Variants in ERC2 observed in about 807,000 individuals in gnomAD.
ERC2 encodes the protein ELKS/RAB6-interacting/CAST family member 2.
Under a neutral mutation model 114.8 loss-of-function variants are expected in ERC2, and 42 were observed. The observed-to-expected ratio is 0.37, with a 90% CI of 0.29 to 0.47. The LOEUF (loss-of-function observed/expected upper bound fraction) is 0.47. Ranked by LOEUF, ERC2 falls within the 20% of genes least tolerant of loss-of-function variation. The probability of loss-of-function intolerance (pLI) is 0.99; values close to 1 mark genes in which losing one functional copy is unlikely to be tolerated. For missense variants in ERC2, 939 were observed against 1,150.7 expected, an observed-to-expected ratio of 0.82 and a Z score of 2.66; for synonymous variants, 454 against 425.5, an observed-to-expected ratio of 1.07 and a Z score of -0.82.
chr3:56,143,341 G>T (rs1051608525), intron 5 of ERC2, among the ~76,000 whole-genome samples: 3 of 152,242 alleles, frequency 2.0e-5, no homozygotes, highest in East Asian at 1.9e-4. Context: ...GATATGGTTT[G>T]GTTGTGTCCC....
intron 3 of ERC2, among the ~76,000 whole-genome samples, chr3:56,211,401 G>C (rs918669019): frequency 1.4e-4 from 21 of 152,100 alleles, no homozygotes; most frequent in Non-Finnish European, 2.9e-5. Flanking sequence ...AAGCAAGGAG[G>C]TGAAAGACTT....
intron 15 of ERC2, among the ~76,000 whole-genome samples, chr3:55,715,261 C>A (rs1329592618): frequency 6.6e-6 from 1 of 152,130 alleles, no homozygotes; most frequent in East Asian, 1.9e-4. Context: ...TCAAGTCCTC[C>A]CCCAAGAATC....
chr3:55,636,927 G>A (rs1337297617), intron 17 of ERC2, among the ~76,000 whole-genome samples: 2 of 152,180 alleles, frequency 1.3e-5, no homozygotes, highest in Non-Finnish European at 1.5e-5. Context: ...GAAGCTAGGA[G>A]GCCATGAGAA....
At chr3:56,435,625 C>G (rs537291735) in intron 1 of ERC2, among the ~76,000 whole-genome samples, 2 of 152,176 alleles carry the variant, frequency 1.3e-5, no homozygotes, top group African/African-American at 4.8e-5. Flanking sequence ...CATGTTGTTA[C>G]CTTCCCCTCC....
chr3:55,587,452 A>G (rs1482489634), intron 17 of ERC2, among the ~76,000 whole-genome samples: 2 of 152,248 alleles, frequency 1.3e-5, no homozygotes, highest in Non-Finnish European at 2.9e-5. Context: ...CCTATTGCAT[A>G]AACATACCAG....
chr3:55,941,867 A>C (rs2066817772), intron 13 of ERC2, among the ~76,000 whole-genome samples: 1 of 152,150 alleles, frequency 6.6e-6, no homozygotes, highest in South Asian at 2.1e-4. Flanking sequence ...CCGATTTACT[A>C]CTTCTTTAGT....
intron 2 of ERC2, among the ~76,000 whole-genome samples, chr3:56,329,789 C>CTA (rs35065678): frequency 0.24 from 34,904 of 146,464 alleles, 4,437 homozygotes; most frequent in Non-Finnish European, 0.29. Flanking sequence ...TGTATTTCCA[C>CTA]TATATATATA....
intron 3 of ERC2, among the ~76,000 whole-genome samples, chr3:56,214,819 A>G (rs1362523625): frequency 2.6e-5 from 4 of 152,246 alleles, no homozygotes; most frequent in Non-Finnish European, 5.9e-5. Flanking sequence ...ACGAGCCAGA[A>G]GAGAGTGGGG....
At chr3:55,985,632 T>C (rs1253460244) in intron 12 of ERC2, among the ~76,000 whole-genome samples, 1 of 152,184 alleles carries the variant, frequency 6.6e-6, no homozygotes, top group Non-Finnish European at 1.5e-5. Context: ...CTGCATTATG[T>C]TTTTATCCAT....
chr3:55,683,717 G>A lies in ERC2; in HGVS notation c.*39+77C>T, dbSNP rs1367193054. 5 of 1,151,322 alleles carry A rather than the reference G, an allele frequency of 4.3e-6. 1 individual carries two copies. The East Asian group carries it at 1.3e-4, about 30-fold the overall frequency. The allele number at this position is 1,151,322 out of a possible 1,614,324, so 71.3% of individuals were successfully genotyped here. ...GGGCACAATTCACAAACATCAGCGA[G>A]CACAATCGAGCACGCACACAATACA... On this transcript the variant is annotated intron_variant, in intron 17 of 17. Coordinates refer to ENST00000288221, the MANE Select transcript of ERC2 (RefSeq NM_015576.3).
intron 3 of ERC2, among the ~76,000 whole-genome samples, chr3:56,219,365 T>C (rs2049739546): frequency 6.6e-6 from 1 of 152,098 alleles, no homozygotes; most frequent in Non-Finnish European, 1.5e-5. Flanking sequence ...AACTCTGGTC[T>C]AACCTCCAGC....
chr3:55,967,378 T>C (rs2068819882), intron 12 of ERC2, among the ~76,000 whole-genome samples: 1 of 152,172 alleles, frequency 6.6e-6, no homozygotes, highest in East Asian at 1.9e-4. Flanking sequence ...AAAAAGGAAC[T>C]GATTTGCAAA....
chr3:56,033,075 A>AGAAAGAAAGAAAGAAG (rs1162632494), intron 7 of ERC2, among the ~76,000 whole-genome samples: 1 of 130,980 alleles, frequency 7.6e-6, no homozygotes, highest in Non-Finnish European at 1.8e-5. Context: ...AAAGAAAGAA[A>AGAAAGAAAGAAAGAAG]GAAAGAAAGA....
intron 14 of ERC2, among the ~76,000 whole-genome samples, chr3:55,833,044 G>A (rs1178018306): frequency 6.9e-6 from 1 of 144,956 alleles, no homozygotes; most frequent in Non-Finnish European, 1.5e-5. Flanking sequence ...GAAGCAAGAA[G>A]GGAAGTTTAG....
At chr3:55,717,856 C>T (rs1346760343) in intron 15 of ERC2, among the ~76,000 whole-genome samples, 1 of 152,182 alleles carries the variant, frequency 6.6e-6, no homozygotes, top group Non-Finnish European at 1.5e-5. Flanking sequence ...ATCCACAGAT[C>T]GTGCAGAAGG....
intron 7 of ERC2, among the ~76,000 whole-genome samples, chr3:56,068,951 C>T (rs2076604087): frequency 6.6e-6 from 1 of 152,068 alleles, no homozygotes; most frequent in South Asian, 2.1e-4. Flanking sequence ...GAGTGTTTTA[C>T]TTCCAATTTT....
intron 17 of ERC2, among the ~76,000 whole-genome samples, chr3:55,524,956 C>T (rs1040833647): frequency 8.5e-5 from 13 of 152,162 alleles, no homozygotes; most frequent in South Asian, 2.1e-4. Context: ...ACTCAAAAGA[C>T]GGCCACAGGT....
intron 16 of ERC2, among the ~76,000 whole-genome samples, chr3:55,685,443 A>C (rs2062277296): frequency 6.6e-6 from 1 of 152,226 alleles, no homozygotes; most frequent in Non-Finnish European, 1.5e-5. Flanking sequence ...TTGCCAAGAA[A>C]CTTCCCTTTT....
At chr3:55,969,315 T>C (rs894172348) in intron 12 of ERC2, among the ~76,000 whole-genome samples, 1 of 151,930 alleles carries the variant, frequency 6.6e-6, no homozygotes, top group African/African-American at 2.4e-5. Context: ...TCATGTGCTA[T>C]AGAACCCAAG....
Sources: gnomAD v4.1 joint callset for allele counts (sites outside exome capture counted in the v4.1 genomes callset) on GRCh38, gnomAD v4.1.1 for gene constraint, MANE v1.5 for transcripts, NCBI Gene and HGNC (gene_info 2026-07-23, HGNC 2026-07-21) for gene names.